The following CSMD1 variants were observed in gnomAD, a reference collection of about 807,000 sequenced individuals.
CSMD1 encodes the protein CUB and sushi domain-containing protein 1.
In CSMD1, 213 loss-of-function variants were observed where a neutral mutation model predicts 417.5. The observed-to-expected ratio is 0.51, with a 90% CI of 0.46 to 0.57. CSMD1 has a LOEUF of 0.57. CSMD1 is among the 20% of genes least tolerant of loss of function. CSMD1 has a pLI of 0.00. For synonymous variants in CSMD1, 2,862 were observed against 1,736.8 expected (o/e 1.65, Z -16.11); for missense variants, 6,923 against 4,529.7 (o/e 1.53, Z -15.17).
At chr8:4,080,783 C>A (rs1373635621) in intron 3 of CSMD1, among the ~76,000 whole-genome samples, 1 of 152,152 alleles carries the variant, frequency 6.6e-6, no homozygotes, top group Non-Finnish European at 1.5e-5. Flanking sequence ...TAAATTACCA[C>A]ACCCCTCTCT....
At chr8:3,476,085 G>C (rs1817396781) in intron 11 of CSMD1, among the ~76,000 whole-genome samples, 1 of 152,200 alleles carries the variant, frequency 6.6e-6, no homozygotes, top group African/African-American at 2.4e-5. Flanking sequence ...GCTCATGCCT[G>C]TAATCCCAGC....
intron 1 of CSMD1, among the ~76,000 whole-genome samples, chr8:4,821,172 G>A (rs552939142): frequency 5.3e-5 from 8 of 152,216 alleles, no homozygotes; most frequent in African/African-American, 1.2e-4. Flanking sequence ...TCTCTTCTCT[G>A]TAATCACGTC....
At chr8:4,026,422 C>T (rs976824001) in intron 4 of CSMD1, among the ~76,000 whole-genome samples, 2 of 152,160 alleles carry the variant, frequency 1.3e-5, no homozygotes, top group South Asian at 2.1e-4. Context: ...ATAGGAAAGA[C>T]ACTTAGCTGA....
intron 5 of CSMD1, among the ~76,000 whole-genome samples, chr8:3,840,094 T>C (rs1263536162): frequency 6.6e-6 from 1 of 152,160 alleles, no homozygotes; most frequent in East Asian, 1.9e-4. Flanking sequence ...TTTCAATGAA[T>C]ATTTTCTTAA....
intron 5 of CSMD1, among the ~76,000 whole-genome samples, chr8:3,922,617 T>A (rs1809353987): frequency 6.6e-6 from 1 of 152,186 alleles, no homozygotes; most frequent in Non-Finnish European, 1.5e-5. Context: ...CAGTCTATTT[T>A]GTGGCTGATA....
At chr8:4,309,632 G>C (rs1004046851) in intron 3 of CSMD1, among the ~76,000 whole-genome samples, 1 of 152,022 alleles carries the variant, frequency 6.6e-6, no homozygotes, top group Non-Finnish European at 1.5e-5. Context: ...CTTGGGAAGG[G>C]GCATACTGCT....
At chr8:4,586,369 G>C (rs1273768996) in intron 2 of CSMD1, among the ~76,000 whole-genome samples, 6 of 152,102 alleles carry the variant, frequency 3.9e-5, no homozygotes, top group African/African-American at 1.4e-4. Flanking sequence ...ACAGAGTGTT[G>C]ATTTTAAAGG....
intron 5 of CSMD1, among the ~76,000 whole-genome samples, chr8:3,802,168 A>G (rs1196868138): frequency 1.3e-5 from 2 of 152,146 alleles, no homozygotes; most frequent in East Asian, 3.8e-4. Flanking sequence ...AATAATTACT[A>G]TGACAATAAA....
chr8:4,043,585 G>A (rs989679061), intron 3 of CSMD1, among the ~76,000 whole-genome samples: 1 of 152,124 alleles, frequency 6.6e-6, no homozygotes, highest in Admixed American at 6.5e-5. Context: ...GCCTTGAGGG[G>A]GAAATCAATG....
chr8:4,112,637 A>T (rs1258694321), intron 3 of CSMD1, among the ~76,000 whole-genome samples: 1 of 152,196 alleles, frequency 6.6e-6, no homozygotes, highest in Non-Finnish European at 1.5e-5. Context: ...GACCTGTCCA[A>T]AGGGGATCCT....
At chr8:4,988,829 GA>G (rs1811315289) in intron 1 of CSMD1, among the ~76,000 whole-genome samples, 1 of 152,138 alleles carries the variant, frequency 6.6e-6, no homozygotes, top group Non-Finnish European at 1.5e-5. Flanking sequence ...CTGCTGGAGG[GA>G]AAAAACAAGG....
intron 3 of CSMD1, among the ~76,000 whole-genome samples, chr8:4,384,528 C>T (rs1199649247): frequency 6.6e-6 from 1 of 152,186 alleles, no homozygotes; most frequent in South Asian, 2.1e-4. Flanking sequence ...ATACTTTATT[C>T]AATACTTTAT....
At chr8:4,309,835 GCTGT>G (rs1431381342) in intron 3 of CSMD1, among the ~76,000 whole-genome samples, 4 of 152,002 alleles carry the variant, frequency 2.6e-5, no homozygotes, top group African/African-American at 9.7e-5. Context: ...TTTAAATATA[GCTGT>G]CTGAGTATTT....
intron 11 of CSMD1, among the ~76,000 whole-genome samples, chr8:3,486,248 C>A (rs931243389): frequency 6.7e-6 from 1 of 148,532 alleles, no homozygotes; most frequent in Non-Finnish European, 1.5e-5. Context: ...TCTCCTTGTA[C>A]TGTACTTTTA....
chr8:3,930,669 G>C (rs1433878042), intron 5 of CSMD1, among the ~76,000 whole-genome samples: 1 of 150,174 alleles, frequency 6.7e-6, no homozygotes, highest in Non-Finnish European at 1.5e-5. Context: ...GTACTGTCAT[G>C]GCAAAACTGC....
At chr8:4,363,145 G>C (rs577990153) in intron 3 of CSMD1, among the ~76,000 whole-genome samples, 11 of 152,198 alleles carry the variant, frequency 7.2e-5, no homozygotes, top group Non-Finnish European at 1.2e-4. Context: ...TAATAGGTGA[G>C]AGACAGTTTC....
At chr8:3,694,132 G>A (rs751003211) in intron 7 of CSMD1, among the ~76,000 whole-genome samples, 11 of 151,850 alleles carry the variant, frequency 7.2e-5, no homozygotes, top group Admixed American at 1.3e-4. Flanking sequence ...TGTGTGTGGC[G>A]TGGTGTGTGT....
Position 4,881,533 on chromosome 8 carries a change from G to GTTT in CSMD1, c.85+112796_85+112798dup, listed in dbSNP as rs67009139. Among the ~76,000 whole-genome samples, 135 of 132,122 alleles carry GTTT rather than the reference G, an allele frequency of 1.0e-3. 1 individual carries two copies. Among genetic ancestry groups the GTTT allele is most frequent in the African/African-American group, 3.5e-3 (124 of 35,496 alleles). 86.7% of individuals were successfully genotyped at this position (132,122 alleles called of 152,430 possible). On this transcript the variant is annotated intron_variant, in intron 1 of 69. Transcript: ENST00000635120. ...CTTCCAGGTCAGAAACTCGAAGTTA[G>GTTT]TTTTTTTTTTTTTTTTTTATCTCAT...
chr8:4,310,918 T>C (rs1798526282), intron 3 of CSMD1, among the ~76,000 whole-genome samples: 1 of 152,166 alleles, frequency 6.6e-6, no homozygotes, highest in African/African-American at 2.4e-5. Flanking sequence ...GTATCACTAA[T>C]CATTAGAGAA....
Sources: allele counts gnomAD v4.1 joint callset (sites outside exome capture counted in the v4.1 genomes callset), GRCh38; gene constraint gnomAD v4.1.1; transcripts MANE v1.5; gene names NCBI Gene and HGNC (gene_info 2026-07-23, HGNC 2026-07-21).